The following ETV6 variants were observed in gnomAD, a reference collection of about 807,000 sequenced individuals.
ETV6 encodes the protein transcription factor ETV6.
In ETV6, 16 loss-of-function variants were observed where a neutral mutation model predicts 51.1. The observed-to-expected ratio is 0.31, with a 90% CI of 0.21 to 0.48. The LOEUF (loss-of-function observed/expected upper bound fraction) is 0.48. Ranked by LOEUF, ETV6 falls within the 20% of genes least tolerant of loss-of-function variation. The probability of loss-of-function intolerance (pLI) is 0.99; values close to 1 mark genes in which losing one functional copy is unlikely to be tolerated. For missense variants in ETV6, 458 were observed against 594.8 expected, an observed-to-expected ratio of 0.77 and a Z score of 2.39; for synonymous variants, 240 against 224.1, an observed-to-expected ratio of 1.07 and a Z score of -0.64.
chr12:11,873,685 T>G lies in ETV6; in HGVS notation c.1009+3716T>G, dbSNP rs575990185. On this transcript the variant is annotated intron_variant, in intron 5 of 7. Transcript: ENST00000396373. ...ATTTGTTCAGGTGCCCTAGAATTTA[T>G]GCATTTGGACACCTTCTGTGTATAA... Among the ~76,000 whole-genome samples, 19 of 113,444 alleles carry G rather than the reference T, an allele frequency of 1.7e-4. 7 individuals are homozygous for G. In the South Asian group the frequency reaches 5.2e-3, roughly 31 times the overall value. The allele number at this position is 113,444 out of a possible 152,430, so 74.4% of individuals were successfully genotyped here.
At chr12:11,888,092 A>G (rs1380742102) in intron 7 of ETV6, among the ~76,000 whole-genome samples, 1 of 152,246 alleles carries the variant, frequency 6.6e-6, no homozygotes, top group Non-Finnish European at 1.5e-5. Context: ...TCTGGACTTC[A>G]TGATTCACAT....
intron 2 of ETV6, among the ~76,000 whole-genome samples, chr12:11,782,961 T>C (rs925888484): frequency 4.6e-5 from 7 of 152,096 alleles, no homozygotes; most frequent in African/African-American, 1.7e-4. Context: ...GAAGTTTAAA[T>C]AGGGGAGAGA....
intron 2 of ETV6, among the ~76,000 whole-genome samples, chr12:11,827,428 C>T (rs1946174368): frequency 2.0e-5 from 3 of 152,144 alleles, no homozygotes; most frequent in Admixed American, 6.5e-5. Context: ...CTAGAAAAGC[C>T]ATGCTTTGGA....
chr12:11,853,380 A>G, intron 3 of ETV6, 47 bp from the exon 4 acceptor site: 3 of 1,612,308 alleles, frequency 1.9e-6, no homozygotes, highest in Non-Finnish European at 2.5e-6. Flanking sequence ...TCGTTGTTGG[A>G]AAAACATCTT....
chr12:11,775,419 A>G (rs141379300), intron 2 of ETV6, among the ~76,000 whole-genome samples: 207 of 152,358 alleles, frequency 1.4e-3, no homozygotes, highest in Middle Eastern at 3.4e-3. Context: ...GTTAAACCAT[A>G]AGTCAAATAC....
At chr12:11,734,063 C>T (rs1349014842) in intron 1 of ETV6, among the ~76,000 whole-genome samples, 1 of 152,176 alleles carries the variant, frequency 6.6e-6, no homozygotes, top group Non-Finnish European at 1.5e-5. Context: ...CCAGGAGATG[C>T]AGACCTGGCA....
chr12:11,743,049 C>T (rs780013486), intron 1 of ETV6, among the ~76,000 whole-genome samples: 19 of 152,068 alleles, frequency 1.2e-4, no homozygotes, highest in Non-Finnish European at 2.4e-4. Context: ...CTCGAGGGAT[C>T]CTCTTGCCCT....
intron 1 of ETV6, among the ~76,000 whole-genome samples, chr12:11,746,786 CTCTCTTTT>C (rs1217330578): frequency 1.8e-5 from 2 of 111,470 alleles, no homozygotes; most frequent in Non-Finnish European, 3.6e-5. Flanking sequence ...TGCTCTCTCT[CTCTCTTTT>C]TTTTTTTTTT....
intron 1 of ETV6, among the ~76,000 whole-genome samples, chr12:11,669,490 T>C (rs1477438545): frequency 6.6e-6 from 1 of 151,852 alleles, no homozygotes; most frequent in Non-Finnish European, 1.5e-5. Flanking sequence ...AGGCCTCGGC[T>C]GTGCTGCCTC....
chr12:11,842,498 A>G (rs144101422), intron 3 of ETV6, among the ~76,000 whole-genome samples: 13 of 152,124 alleles, frequency 8.5e-5, no homozygotes, highest in African/African-American at 3.1e-4. Context: ...TAGAGTGGAA[A>G]GTTCAATGTG....
intron 4 of ETV6, among the ~76,000 whole-genome samples, chr12:11,856,993 G>A (rs900000329): frequency 6.6e-6 from 1 of 152,202 alleles, no homozygotes; most frequent in African/African-American, 2.4e-5. Flanking sequence ...GTGGATAGGT[G>A]GATAGGAATG....
At chr12:11,747,591 G>C (rs17745986) in intron 1 of ETV6, among the ~76,000 whole-genome samples, 4 of 152,164 alleles carry the variant, frequency 2.6e-5, no homozygotes, top group Admixed American at 1.3e-4. Context: ...ATTTAGAAAA[G>C]AAGACTGGCA....
intron 1 of ETV6, among the ~76,000 whole-genome samples, chr12:11,662,623 G>A (rs1296608923): frequency 6.6e-6 from 1 of 152,164 alleles, no homozygotes; most frequent in Non-Finnish European, 1.5e-5. Flanking sequence ...TCTGCCTCTT[G>A]GTTGGCTTAT....
chr12:11,710,098 C>T (rs1273441918), intron 1 of ETV6, among the ~76,000 whole-genome samples: 3 of 152,166 alleles, frequency 2.0e-5, no homozygotes, highest in South Asian at 4.2e-4. Context: ...ATCAGAAAGG[C>T]ATTTGGATGA....
At chr12:11,707,990 C>T (rs1865104392) in intron 1 of ETV6, among the ~76,000 whole-genome samples, 1 of 152,210 alleles carries the variant, frequency 6.6e-6, no homozygotes, top group African/African-American at 2.4e-5. Flanking sequence ...ATCTTTTCTT[C>T]CCTTAGCAGT....
chr12:11,688,022 G>A (rs1864669294), intron 1 of ETV6, among the ~76,000 whole-genome samples: 1 of 152,150 alleles, frequency 6.6e-6, no homozygotes, highest in Admixed American at 6.5e-5. Context: ...TAGTTTTCCT[G>A]CTTTACAGCT....
intron 2 of ETV6, among the ~76,000 whole-genome samples, chr12:11,812,745 G>T (rs1302248899): frequency 3.3e-5 from 5 of 152,194 alleles, no homozygotes; most frequent in Admixed American, 2.0e-4. Flanking sequence ...TTTGAAAGCT[G>T]CAGGGGAGGC....
intron 1 of ETV6, among the ~76,000 whole-genome samples, chr12:11,675,054 CAT>C (rs1864395684): frequency 6.6e-6 from 1 of 152,224 alleles, no homozygotes; most frequent in Admixed American, 6.5e-5. Context: ...TTTTTGCACG[CAT>C]ATGTCTGTTA....
intron 1 of ETV6, among the ~76,000 whole-genome samples, chr12:11,684,571 G>A (rs564196013): frequency 6.6e-6 from 1 of 152,162 alleles, no homozygotes; most frequent in Admixed American, 6.5e-5. Flanking sequence ...TGATCACTAC[G>A]TGACTAATCT....
Sources: gnomAD v4.1 joint callset for allele counts (sites outside exome capture counted in the v4.1 genomes callset) on GRCh38, gnomAD v4.1.1 for gene constraint, MANE v1.5 for transcripts, NCBI Gene and HGNC (gene_info 2026-07-23, HGNC 2026-07-21) for gene names.